TPD52L3: variants seen among roughly 807,000 people sequenced by gnomAD.
TPD52L3 encodes TPD52 like 3, also known as tumor protein D55.
A neutral mutation model predicts 8.7 loss-of-function variants in TPD52L3; 12 were observed. That is an observed-to-expected ratio of 1.38 (90% confidence interval 0.89 to 2.24). The LOEUF is 2.24. Among genes scored for constraint, TPD52L3 ranks in the 30% most tolerant of loss-of-function variants. The pLI is 0.00. For missense variants in TPD52L3, 207 were observed against 158.7 expected, an observed-to-expected ratio of 1.30 and a Z score of -1.64; for synonymous variants, 79 against 66.8, an observed-to-expected ratio of 1.18 and a Z score of -0.89.
rs773513554 is a variant in TPD52L3, at chr9:6,330,969, G to A, written c.368-7G>A. ...TGCTGATCATTGTTTTCCCATTTCT[G>A]GCTTAGGATTGATCTTCAATAAATA... On this transcript the variant is annotated splice_region_variant and splice_polypyrimidine_tract_variant and intron_variant, in intron 1 of 1. Transcript: ENST00000314556. 7 of 1,611,706 alleles carry A rather than the reference G, an allele frequency of 4.3e-6. No individual in the cohort carries two copies. Among genetic ancestry groups the A allele is most frequent in the Non-Finnish European group, 5.9e-6 (7 of 1,179,040 alleles).
Position 6,330,980 on chromosome 9 carries a change from G to C in TPD52L3, c.372G>C (p.Leu124Phe). The C allele has an allele frequency of 1.2e-6, 2 of 1,612,234 alleles. No homozygotes were observed. Among genetic ancestry groups the C allele is most frequent in the Non-Finnish European group, 1.7e-6 (2 of 1,179,136 alleles). Reference protein sequence around the residue: ...KSATFRSFEGLIFNKYTLNQG... With the variant: ...KSATFRSFEGFIFNKYTLNQG... ...GTTTTCCCATTTCTGGCTTAGGATT[G>C]ATCTTCAATAAATACACGTTAAATC... The change falls in exon 2 of 2, where the codon TTG (leucine) becomes TTC (phenylalanine). Residue 124 changes from leucine (L) to phenylalanine (F), a missense_variant. Leu to Phe is a conservative substitution (Grantham distance 22). Transcript: ENST00000314556.
chr9:6,330,478 G>T, intron 1 of TPD52L3: 1 of 1,288,162 alleles, frequency 7.8e-7, no homozygotes, highest in Non-Finnish European at 9.9e-7. Context: ...CAGCCTAAGA[G>T]GATGATTCTG....
chr9:6,329,981 G>A, intron 1 of TPD52L3: 1 of 1,319,868 alleles, frequency 7.6e-7, no homozygotes, highest in South Asian at 2.7e-5. Flanking sequence ...TTGCCTCTCT[G>A]GCAGCAATTC....
chr9:6,331,406 A>G lies in TPD52L3; in HGVS notation c.*387A>G. 1 of 160,146 alleles carries G rather than the reference A, an allele frequency of 6.2e-6. No homozygotes were observed. The highest frequency in any genetic ancestry group is 1.8e-4 in the East Asian group (1 of 5,536). The allele number at this position is 160,146 out of a possible 1,614,324, so 9.9% of individuals were successfully genotyped here. A position where few individuals can be genotyped will look rare whatever the true frequency, so the allele number is the denominator to read the frequency against. On this transcript the variant is annotated 3_prime_UTR_variant, in exon 2 of 2. Coordinates refer to ENST00000314556, the MANE Select transcript of TPD52L3 (RefSeq NM_001001874.3). ...GAATAGAACATTCCAGACAACATGC[A>G]GAGGAACTGAGTCACAAAGGAATGT...
rs890073953 is a variant in TPD52L3, at chr9:6,331,889, G to A, written c.*870G>A. 2.6e-5 allele frequency: 4 copies of A among 152,084 alleles called. No homozygotes were observed. The highest frequency in any genetic ancestry group is 9.7e-5 in the African/African-American group (4 of 41,420). The allele number at this position is 152,084 out of a possible 1,614,324, so 9.4% of individuals were successfully genotyped here. ...AAATAAAATGCTTCCATGAACATTT[G>A]GATTCTGGCTCTAAAGTTTCCTCGA... On this transcript the variant is annotated 3_prime_UTR_variant, in exon 2 of 2. Transcript: ENST00000314556.
chr9:6,328,547 C>G lies in TPD52L3; in HGVS notation c.-49C>G, dbSNP rs923807360. On this transcript the variant is annotated 5_prime_UTR_variant, in exon 1 of 2. Transcript: ENST00000314556. ...CAGCCCAATAATTCGACTCTTTCTA[C>G]CAAGAATTGGACCTGGACTCTCTTA... 6.4e-7 allele frequency: 1 copy of G among 1,574,208 alleles called. No homozygotes were observed.
chr9:6,329,196 A>G, intron 1 of TPD52L3: 1 of 1,440,572 alleles, frequency 6.9e-7, no homozygotes, highest in Non-Finnish European at 9.1e-7. Context: ...CTGGTACTAA[A>G]CCAGTGCAAG....
At chr9:6,329,688 T>C (rs1354093468) in intron 1 of TPD52L3, 1 of 1,001,838 alleles carries the variant, frequency 1.0e-6, no homozygotes, top group Middle Eastern at 5.2e-4. Context: ...GAAAACTTCA[T>C]CTTCTCTGAG....
chr9:6,329,997 T>G, intron 1 of TPD52L3: 1 of 1,333,484 alleles, frequency 7.5e-7, no homozygotes, highest in Non-Finnish European at 9.7e-7. Flanking sequence ...AATTCCTAGT[T>G]AGTTACCACC....
chr9:6,330,805 G>C, intron 1 of TPD52L3, 171 bp from the exon 2 acceptor site: 5 of 1,381,920 alleles, frequency 3.6e-6, no homozygotes, highest in Non-Finnish European at 4.7e-6. Flanking sequence ...AGGAAGGCTT[G>C]TGTTAGGGAC....
rs539490870 is a variant in TPD52L3, at chr9:6,328,408, T to C, written c.-188T>C. ...GGTCGTCAACTCAACTGTCAAGGTG[T>C]CCATTGTACCAGCTGGGCCATGGAT... On this transcript the variant is annotated 5_prime_UTR_variant, in exon 1 of 2. Transcript: ENST00000314556. 1.5e-6 allele frequency: 1 copy of C among 651,060 alleles called. No individual in the cohort carries two copies. The highest frequency in any genetic ancestry group is 2.6e-6 in the Non-Finnish European group (1 of 382,484). 40.3% of individuals were successfully genotyped at this position (651,060 alleles called of 1,614,324 possible). A position where few individuals can be genotyped will look rare whatever the true frequency, so the allele number is the denominator to read the frequency against.
At chr9:6,329,896 A>C in intron 1 of TPD52L3, 3 of 1,242,162 alleles carry the variant, frequency 2.4e-6, no homozygotes, top group Non-Finnish European at 3.0e-6. Flanking sequence ...TTATATATCA[A>C]AATGAGTGTT....
rs372625824 is a variant in TPD52L3 at position 6,328,813 on chromosome 9, G to C, written c.218G>C (p.Arg73Thr). ...GGCCTCACCGCCTTGGTAGGGCTGA[G>C]ACAGAATCTGTCCAAGAGCTGGCTT... ...KLGLTALVGLRQNLSKSWLDV... is the reference protein window; with the variant it reads ...KLGLTALVGLTQNLSKSWLDV... Residue 73 changes from arginine to threonine, a missense_variant, in exon 1 of 2, where the codon AGA (arginine) becomes ACA (threonine). By Grantham distance (71) the Arg-to-Thr change is moderately conservative (BLOSUM62 -1). Transcript: ENST00000314556. 4 of 1,614,076 alleles carry C rather than the reference G, an allele frequency of 2.5e-6. No homozygotes were observed. Among genetic ancestry groups the C allele is most frequent in the Non-Finnish European group, 2.5e-6 (3 of 1,180,042 alleles).
rs16924356 is a variant in TPD52L3 at position 6,331,610 on chromosome 9, G to A, written c.*591G>A. On this transcript the variant is annotated 3_prime_UTR_variant, in exon 2 of 2. Transcript: ENST00000314556. The stretch of plus-strand genomic sequence containing the variant: ...CAATATTTAAGCCTGTAGGAAATGG[G>A]AGGCATTGAAGCACTTAAGTAAAAA... The A allele has an allele frequency of 0.23, 35,562 of 152,010 alleles. 4,441 individuals carry two copies. The highest frequency in any genetic ancestry group is 0.26 in the Non-Finnish European group (17,594 of 67,972). The allele number at this position is 152,010 out of a possible 1,614,324, so 9.4% of individuals were successfully genotyped here.
At chr9:6,330,022 T>A in intron 1 of TPD52L3, 1 of 1,383,310 alleles carries the variant, frequency 7.2e-7, no homozygotes, top group Non-Finnish European at 9.4e-7. Context: ...GCTGAGGGGC[T>A]GGAGGAAAAC....
intron 1 of TPD52L3, chr9:6,329,298 G>A: frequency 4.1e-6 from 5 of 1,227,244 alleles, no homozygotes; most frequent in Non-Finnish European, 5.1e-6. Flanking sequence ...GAAATTGACA[G>A]AATCCAGTTT....
Position 6,331,096 on chromosome 9 carries a change from C to T in TPD52L3, c.*77C>T. On this transcript the variant is annotated 3_prime_UTR_variant, in exon 2 of 2. Coordinates refer to ENST00000314556, the MANE Select transcript of TPD52L3 (RefSeq NM_001001874.3). Reference sequence around the variant, plus strand: ...TGAACTTGTTCACAAGTTCCTTCTGCTTTTAAACAAAAATATCGTGTTTAT... The same window carrying T: ...TGAACTTGTTCACAAGTTCCTTCTGTTTTTAAACAAAAATATCGTGTTTAT... 1.4e-6 allele frequency: 2 copies of T among 1,481,360 alleles called. No homozygotes were observed. The highest frequency in any genetic ancestry group is 9.3e-7 in the Non-Finnish European group (1 of 1,072,714). 91.8% of individuals were successfully genotyped at this position (1,481,360 alleles called of 1,614,324 possible).
chr9:6,328,481 A>G lies in TPD52L3; in HGVS notation c.-115A>G. The G allele has an allele frequency of 7.8e-7, 1 of 1,281,458 alleles. No individual in the cohort carries two copies. Among genetic ancestry groups the G allele is most frequent in the Non-Finnish European group, 1.1e-6 (1 of 930,644 alleles). 79.4% of individuals were successfully genotyped at this position (1,281,458 alleles called of 1,614,324 possible). A position where few individuals can be genotyped will look rare whatever the true frequency, so the allele number is the denominator to read the frequency against. ...CCACCTGCCAAGAGTCTGAGCCTGC[A>G]GGCCTAGATTTCGACTCTGCTGGCC... is the stretch of plus-strand genomic sequence containing the variant. On this transcript the variant is annotated 5_prime_UTR_variant, in exon 1 of 2. Coordinates refer to ENST00000314556, the MANE Select transcript of TPD52L3 (RefSeq NM_001001874.3).
At chr9:6,329,753 A>G (rs1818109590) in intron 1 of TPD52L3, 1 of 1,009,902 alleles carries the variant, frequency 9.9e-7, no homozygotes, top group Middle Eastern at 5.1e-4. Flanking sequence ...CATTACTAAT[A>G]TAGCTTTTGT....
Sources: gnomAD v4.1 joint callset for allele counts on GRCh38, gnomAD v4.1.1 for gene constraint, MANE v1.5 for transcripts, NCBI Gene and HGNC (gene_info 2026-07-23, HGNC 2026-07-21) for gene names.